Variants in AGBL1 observed in about 807,000 individuals in gnomAD.
AGBL1 encodes the protein cytosolic carboxypeptidase 4.
Under a neutral mutation model 118.9 loss-of-function variants are expected in AGBL1, and 130 were observed. The ratio of observed to expected loss-of-function variants is 1.09; its 90% confidence interval spans 0.95 to 1.26. The LOEUF (loss-of-function observed/expected upper bound fraction) is 1.26. AGBL1 is among the 50% of genes most tolerant of loss of function. The pLI, the probability that AGBL1 is intolerant of heterozygous loss-of-function variation, is 0.00. For missense variants in AGBL1, 1,584 were observed against 1,298.1 expected, an observed-to-expected ratio of 1.22 and a Z score of -3.38; for synonymous variants, 555 against 478.9, an observed-to-expected ratio of 1.16 and a Z score of -2.08.
chr15:86,089,097 T>G (rs1895857159), intron 1 of AGBL1, among the ~76,000 whole-genome samples: 1 of 152,226 alleles, frequency 6.6e-6, no homozygotes, highest in Admixed American at 6.5e-5. Flanking sequence ...AAAAATTTTT[T>G]TGGCAAAACC....
intron 18 of AGBL1, among the ~76,000 whole-genome samples, chr15:86,441,989 G>T (rs561363719): frequency 6.6e-6 from 1 of 152,218 alleles, no homozygotes; most frequent in Non-Finnish European, 1.5e-5. Context: ...ATCCACAAGG[G>T]TGGGGTAGAT....
intron 5 of AGBL1, among the ~76,000 whole-genome samples, chr15:86,202,775 A>G (rs1182363455): frequency 1.3e-5 from 2 of 152,208 alleles, no homozygotes; most frequent in Non-Finnish European, 2.9e-5. Context: ...AAACTTGTGG[A>G]AATTTTTGAT....
chr15:86,620,013 A>T (rs2084782208), intron 21 of AGBL1, among the ~76,000 whole-genome samples: 1 of 152,178 alleles, frequency 6.6e-6, no homozygotes, highest in Non-Finnish European at 1.5e-5. Context: ...AGTGTTAGCC[A>T]CATAACTGTT....
intron 5 of AGBL1, among the ~76,000 whole-genome samples, chr15:86,164,088 A>G (rs1409432822): frequency 6.6e-6 from 1 of 152,232 alleles, no homozygotes; most frequent in Non-Finnish European, 1.5e-5. Context: ...AAAAGTTCAG[A>G]GTCTTTTAGA....
chr15:86,341,726 T>A (rs2080464235), intron 17 of AGBL1, among the ~76,000 whole-genome samples: 1 of 152,162 alleles, frequency 6.6e-6, no homozygotes, highest in African/African-American at 2.4e-5. Flanking sequence ...TAGAGACCAA[T>A]CGAGTTGCCC....
intron 18 of AGBL1, among the ~76,000 whole-genome samples, chr15:86,508,579 T>A (rs1446853785): frequency 6.6e-6 from 1 of 152,076 alleles, no homozygotes; most frequent in Non-Finnish European, 1.5e-5. Flanking sequence ...GAGGATTAAA[T>A]GATAAATATA....
intron 16 of AGBL1, among the ~76,000 whole-genome samples, chr15:86,283,261 AAG>A (rs1156776513): frequency 6.6e-6 from 1 of 152,174 alleles, no homozygotes; most frequent in Non-Finnish European, 1.5e-5. Flanking sequence ...ATGGGGCCCC[AAG>A]AGAGTTTCTG....
intron 23 of AGBL1, among the ~76,000 whole-genome samples, chr15:86,953,985 G>T (rs1362970591): frequency 6.6e-6 from 1 of 152,100 alleles, no homozygotes; most frequent in African/African-American, 2.4e-5. Context: ...TTGAAAAAAT[G>T]CTCCTCATCA....
At chr15:87,003,112 GT>G (rs2081458194) in intron 24 of AGBL1, among the ~76,000 whole-genome samples, 1 of 152,122 alleles carries the variant, frequency 6.6e-6, no homozygotes, top group Admixed American at 6.5e-5. Flanking sequence ...TTGGCTGTGG[GT>G]TTGTCATAAA....
intron 5 of AGBL1, among the ~76,000 whole-genome samples, chr15:86,185,871 G>A (rs926005306): frequency 7.9e-5 from 12 of 152,084 alleles, no homozygotes; most frequent in African/African-American, 2.2e-4. Flanking sequence ...TAACCTGCAC[G>A]TTGTGCACAT....
At chr15:86,780,810 G>A (rs2078326048) in intron 22 of AGBL1, among the ~76,000 whole-genome samples, 1 of 151,896 alleles carries the variant, frequency 6.6e-6, no homozygotes, top group South Asian at 2.1e-4. Context: ...TGGGATTACA[G>A]GCATGTGCCA....
chr15:86,539,988 C>T (rs1567047198), intron 19 of AGBL1, among the ~76,000 whole-genome samples: 1 of 152,160 alleles, frequency 6.6e-6, no homozygotes, highest in African/African-American at 2.4e-5. Flanking sequence ...AAAACATTGT[C>T]TCTGGGTTAG....
chr15:86,308,503 G>A (rs1449436610), intron 17 of AGBL1, among the ~76,000 whole-genome samples: 1 of 152,132 alleles, frequency 6.6e-6, no homozygotes. Flanking sequence ...ATAAATTTCT[G>A]TTGTTTAAGC....
intron 22 of AGBL1, among the ~76,000 whole-genome samples, chr15:86,840,804 T>G (rs1469740772): frequency 6.6e-6 from 1 of 152,158 alleles, no homozygotes; most frequent in East Asian, 1.9e-4. Flanking sequence ...TATCTCTTGC[T>G]TCCTCTTTTC....
chr15:86,600,510 T>C (rs1469770704), intron 21 of AGBL1, among the ~76,000 whole-genome samples: 1 of 152,174 alleles, frequency 6.6e-6, no homozygotes, highest in Non-Finnish European at 1.5e-5. Context: ...AAGCCACCTC[T>C]GTGTATACCT....
intron 21 of AGBL1, among the ~76,000 whole-genome samples, chr15:86,569,339 C>T (rs978114591): frequency 8.0e-5 from 12 of 150,464 alleles, no homozygotes; most frequent in Non-Finnish European, 8.8e-5. Context: ...GCTGAGGTTA[C>T]GGTGAACTGA....
At chr15:86,444,197 G>C (rs886595190) in intron 18 of AGBL1, among the ~76,000 whole-genome samples, 1 of 152,180 alleles carries the variant, frequency 6.6e-6, no homozygotes, top group Non-Finnish European at 1.5e-5. Context: ...TTTCCCTGAT[G>C]ATTAGCATTG....
chr15:86,445,914 G>C (rs1485436306), intron 18 of AGBL1, among the ~76,000 whole-genome samples: 1 of 152,172 alleles, frequency 6.6e-6, no homozygotes, highest in Non-Finnish European at 1.5e-5. Flanking sequence ...AGCAGGATTG[G>C]GGCTGTTGTG....
chr15:86,962,976 G>T (rs898892272), intron 23 of AGBL1, among the ~76,000 whole-genome samples: 4 of 152,152 alleles, frequency 2.6e-5, no homozygotes, highest in East Asian at 1.9e-4. Flanking sequence ...TGTAATTAAG[G>T]TTAATTGCAC....
Sources: allele counts gnomAD v4.1 joint callset (sites outside exome capture counted in the v4.1 genomes callset), GRCh38; gene constraint gnomAD v4.1.1; transcripts MANE v1.5; gene names NCBI Gene and HGNC (gene_info 2026-07-23, HGNC 2026-07-21).